NELL1: variants seen among roughly 807,000 people sequenced by gnomAD.
NELL1 encodes the protein protein kinase C-binding protein NELL1.
Under a neutral mutation model 107.4 loss-of-function variants are expected in NELL1, and 76 were observed. The ratio of observed to expected loss-of-function variants is 0.71; its 90% CI spans 0.59 to 0.86. NELL1 has a LOEUF of 0.86. NELL1 is among the 40% of genes least tolerant of loss of function. The pLI, the probability that NELL1 is intolerant of heterozygous loss-of-function variation, is 0.00. For missense variants in NELL1, 1,024 were observed against 1,005.5 expected (o/e 1.02, Z -0.25); for synonymous variants, 353 against 341.2 (o/e 1.03, Z -0.38).
At chr11:20,895,388 C>T (rs938153915) in intron 5 of NELL1, among the ~76,000 whole-genome samples, 8 of 149,964 alleles carry the variant, frequency 5.3e-5, no homozygotes, top group Non-Finnish European at 7.4e-5. Flanking sequence ...TCCATGTACC[C>T]CATTCACCCT....
At chr11:20,904,449 A>G (rs947657223) in intron 5 of NELL1, among the ~76,000 whole-genome samples, 2 of 152,186 alleles carry the variant, frequency 1.3e-5, no homozygotes, top group Admixed American at 1.3e-4. Context: ...TTCAAATCTA[A>G]CAAACACCAT....
intron 14 of NELL1, among the ~76,000 whole-genome samples, chr11:21,245,438 G>A (rs983582844): frequency 6.6e-6 from 1 of 152,134 alleles, no homozygotes; most frequent in Non-Finnish European, 1.5e-5. Flanking sequence ...CTTAGCTGTT[G>A]TGTCCTCAGT....
At chr11:20,993,605 G>A (rs1852025183) in intron 12 of NELL1, among the ~76,000 whole-genome samples, 1 of 152,018 alleles carries the variant, frequency 6.6e-6, no homozygotes, top group Admixed American at 6.6e-5. Flanking sequence ...TTCAAGTCTT[G>A]GACATAAAAT....
rs769700897 is a variant in NELL1 at position 21,560,258 on chromosome 11, G to C, written c.1856G>C (p.Gly619Ala). ...NDSACINLAG[G>A]FDCLCPSGPS... ...TCTGCCTGCATCAACCTGGCAGGGG[G>C]CTTTGACTGTCTCTGCCCCTCTGGG... is the stretch of plus-strand genomic sequence containing the variant. The change falls in exon 17 of 20, where the codon GGC becomes GCC. Residue 619 changes from glycine (G) to alanine (A), a missense_variant. Gly to Ala is a moderately conservative substitution (Grantham distance 60). Transcript: ENST00000357134. 3 of 1,613,682 alleles carry C rather than the reference G, an allele frequency of 1.9e-6. No individual in the cohort carries two copies. Among genetic ancestry groups the C allele is most frequent in the Non-Finnish European group, 2.5e-6 (3 of 1,179,756 alleles).
intron 15 of NELL1, among the ~76,000 whole-genome samples, chr11:21,434,393 T>C (rs1853050427): frequency 6.6e-6 from 1 of 152,178 alleles, no homozygotes; most frequent in South Asian, 2.1e-4. Context: ...GGCTCTAGTT[T>C]CATTGTTCTT....
chr11:21,108,204 G>T (rs1467478552), intron 12 of NELL1, among the ~76,000 whole-genome samples: 1 of 152,098 alleles, frequency 6.6e-6, no homozygotes, highest in Non-Finnish European at 1.5e-5. Flanking sequence ...AGAAGTCTGA[G>T]TAGATCATAT....
intron 12 of NELL1, among the ~76,000 whole-genome samples, chr11:20,995,533 G>T (rs1162607881): frequency 6.6e-6 from 1 of 151,834 alleles, no homozygotes; most frequent in South Asian, 2.1e-4. Flanking sequence ...AGCAGAGATC[G>T]CACCACTGCA....
intron 13 of NELL1, chr11:21,169,904 T>C (rs1856566323): frequency 6.2e-6 from 9 of 1,459,552 alleles, no homozygotes; most frequent in Non-Finnish European, 8.6e-6. Context: ...CCCCAGGTCG[T>C]CCACCGATGC....
At chr11:20,895,667 G>T (rs546552967) in intron 5 of NELL1, among the ~76,000 whole-genome samples, 1 of 151,190 alleles carries the variant, frequency 6.6e-6, no homozygotes, top group Non-Finnish European at 1.5e-5. Flanking sequence ...CACCATGCCC[G>T]GCTAATTTTT....
At chr11:20,899,656 G>A (rs548813108) in intron 5 of NELL1, among the ~76,000 whole-genome samples, 33 of 151,922 alleles carry the variant, frequency 2.2e-4, no homozygotes, top group Non-Finnish European at 3.5e-4. Context: ...AATGAGTAGG[G>A]TATAATAGGC....
At chr11:21,140,968 C>G (rs1461788662) in intron 13 of NELL1, among the ~76,000 whole-genome samples, 1 of 152,034 alleles carries the variant, frequency 6.6e-6, no homozygotes, top group South Asian at 2.1e-4. Context: ...TGGAAAATAC[C>G]TGAATGATTA....
At chr11:20,760,899 G>A (rs983852084) in intron 2 of NELL1, among the ~76,000 whole-genome samples, 2 of 152,110 alleles carry the variant, frequency 1.3e-5, no homozygotes, top group Non-Finnish European at 2.9e-5. Flanking sequence ...TTGGAAAATC[G>A]GGTCTGGTGG....
intron 15 of NELL1, among the ~76,000 whole-genome samples, chr11:21,446,739 G>A (rs545304981): frequency 2.0e-5 from 3 of 152,296 alleles, no homozygotes; most frequent in African/African-American, 4.8e-5. Context: ...GCACAGCACT[G>A]GGTCTTGCCC....
chr11:20,924,519 T>C (rs937025808), intron 7 of NELL1, among the ~76,000 whole-genome samples: 2 of 152,204 alleles, frequency 1.3e-5, no homozygotes, highest in African/African-American at 4.8e-5. Context: ...ACAGCTCAGC[T>C]TTGTGGGACA....
intron 13 of NELL1, among the ~76,000 whole-genome samples, chr11:21,136,218 G>T (rs1248318448): frequency 5.3e-5 from 8 of 152,096 alleles, no homozygotes; most frequent in Non-Finnish European, 4.4e-5. Flanking sequence ...AATACCAAAT[G>T]CTATGTTGCC....
chr11:21,427,992 G>A (rs761672374), intron 15 of NELL1, among the ~76,000 whole-genome samples: 1 of 152,220 alleles, frequency 6.6e-6, no homozygotes, highest in Non-Finnish European at 1.5e-5. Flanking sequence ...AACTTGGTTT[G>A]TGCTCTCAAG....
chr11:21,309,266 A>ATATATATATATAT (rs1849677749), intron 14 of NELL1, among the ~76,000 whole-genome samples: 1 of 38,080 alleles, frequency 2.6e-5, no homozygotes, highest in Non-Finnish European at 5.6e-5. Flanking sequence ...ATATGTATAT[A>ATATATATATATAT]TATATATATA....
chr11:21,417,871 A>G (rs774641896), intron 15 of NELL1, among the ~76,000 whole-genome samples: 4 of 152,042 alleles, frequency 2.6e-5, no homozygotes, highest in Non-Finnish European at 5.9e-5. Context: ...ACAAAATGAA[A>G]CAAAACAAAA....
At chr11:20,921,698 A>G (rs1850379406) in intron 7 of NELL1, among the ~76,000 whole-genome samples, 1 of 152,082 alleles carries the variant, frequency 6.6e-6, no homozygotes, top group Admixed American at 6.6e-5. Context: ...AAGTTTTCAG[A>G]TCATACCTGT....
Sources: allele counts gnomAD v4.1 joint callset (sites outside exome capture counted in the v4.1 genomes callset), GRCh38; gene constraint gnomAD v4.1.1; transcripts MANE v1.5; gene names NCBI Gene and HGNC (gene_info 2026-07-23, HGNC 2026-07-21).